The following ENOX1 variants were observed in gnomAD, a reference collection of about 807,000 sequenced individuals.
ENOX1 encodes the protein ecto-NOX disulfide-thiol exchanger 1.
In ENOX1, 42 loss-of-function variants were observed where a neutral mutation model predicts 82.5. That is an observed-to-expected ratio of 0.51 (90% CI 0.40 to 0.66). The LOEUF (loss-of-function observed/expected upper bound fraction) is 0.66, where lower values mean the gene tolerates loss of function less well. Among genes scored for constraint, ENOX1 ranks in the 30% least tolerant of loss-of-function variants. ENOX1 has a pLI of 0.00. For missense variants in ENOX1, 608 were observed against 811.6 expected (o/e 0.75, Z 3.05); for synonymous variants, 271 against 282.2 (o/e 0.96, Z 0.40).
chr13:43,275,733 G>A (rs896624270), intron 12 of ENOX1, among the ~76,000 whole-genome samples: 10 of 152,142 alleles, frequency 6.6e-5, no homozygotes, highest in African/African-American at 2.4e-4. Flanking sequence ...TGTGTGCATG[G>A]TACTGGGCTG....
chr13:43,333,881 G>C (rs4942213), intron 9 of ENOX1, among the ~76,000 whole-genome samples: 30,667 of 152,186 alleles, frequency 0.2, 4,056 homozygotes, highest in East Asian at 0.58. Context: ...CCTCGGCCTC[G>C]CAAAGTGCTG....
At chr13:43,682,791 T>C (rs1436159175) in intron 1 of ENOX1, among the ~76,000 whole-genome samples, 1 of 152,082 alleles carries the variant, frequency 6.6e-6, no homozygotes, top group Non-Finnish European at 1.5e-5. Context: ...GCCACAAATA[T>C]AACAGGAGTT....
chr13:43,663,102 G>A (rs901778049), intron 2 of ENOX1, among the ~76,000 whole-genome samples: 1 of 152,180 alleles, frequency 6.6e-6, no homozygotes, highest in Non-Finnish European at 1.5e-5. Flanking sequence ...AAGAGAGCTT[G>A]ACTTCCCTTT....
At chr13:43,682,953 G>A (rs906355394) in intron 1 of ENOX1, among the ~76,000 whole-genome samples, 1 of 152,158 alleles carries the variant, frequency 6.6e-6, no homozygotes, top group Non-Finnish European at 1.5e-5. Flanking sequence ...TGGTTGCCAT[G>A]CTTATAAAAT....
chr13:43,726,544 A>G (rs948362451), intron 1 of ENOX1, among the ~76,000 whole-genome samples: 1 of 152,072 alleles, frequency 6.6e-6, no homozygotes, highest in Admixed American at 6.6e-5. Flanking sequence ...TCATTCATTG[A>G]CCACTCTATC....
At chr13:43,630,874 C>CACACACACACACAT (rs768788507) in intron 2 of ENOX1, among the ~76,000 whole-genome samples, 1 of 144,558 alleles carries the variant, frequency 6.9e-6, no homozygotes, top group African/African-American at 2.5e-5. Flanking sequence ...CACACACACA[C>CACACACACACACAT]ATATATATAC....
At chr13:43,583,091 C>T (rs2080825332) in intron 2 of ENOX1, among the ~76,000 whole-genome samples, 1 of 152,018 alleles carries the variant, frequency 6.6e-6, no homozygotes, top group African/African-American at 2.4e-5. Flanking sequence ...AATTCCAATG[C>T]CATTTAAACT....
intron 5 of ENOX1, among the ~76,000 whole-genome samples, chr13:43,393,819 C>T (rs1396997754): frequency 1.3e-5 from 2 of 152,118 alleles, no homozygotes; most frequent in Non-Finnish European, 2.9e-5. Flanking sequence ...AATCTCATGT[C>T]GAAATATGAT....
At chr13:43,609,753 T>C (rs1405857264) in intron 2 of ENOX1, 1 of 183,754 alleles carries the variant, frequency 5.4e-6, no homozygotes. Flanking sequence ...TGCACACATA[T>C]TATTATTCCA....
intron 14 of ENOX1, among the ~76,000 whole-genome samples, chr13:43,249,138 A>G (rs1057475209): frequency 6.8e-6 from 1 of 146,442 alleles, no homozygotes; most frequent in Admixed American, 7.0e-5. Flanking sequence ...TGTGACAGCC[A>G]TGTTAAACAA....
At chr13:43,665,874 A>C (rs972047807) in intron 2 of ENOX1, among the ~76,000 whole-genome samples, 1 of 150,158 alleles carries the variant, frequency 6.7e-6, no homozygotes, top group Non-Finnish European at 1.5e-5. Context: ...TGGCCTTTAT[A>C]GTCCTTGCCA....
chr13:43,466,161 A>ATT (rs59775967), intron 3 of ENOX1, among the ~76,000 whole-genome samples: 10 of 151,504 alleles, frequency 6.6e-5, no homozygotes, highest in Non-Finnish European at 1.5e-4. Context: ...TATATTGTCT[A>ATT]TTTTTTTGAT....
At chr13:43,527,689 T>A (rs2078045311) in intron 2 of ENOX1, among the ~76,000 whole-genome samples, 1 of 152,106 alleles carries the variant, frequency 6.6e-6, no homozygotes, top group Admixed American at 6.6e-5. Flanking sequence ...AAAAATCTGA[T>A]ATAATGTGTG....
intron 2 of ENOX1, among the ~76,000 whole-genome samples, chr13:43,599,610 A>G (rs1052761846): frequency 1.3e-5 from 2 of 151,932 alleles, no homozygotes; most frequent in Non-Finnish European, 2.9e-5. Flanking sequence ...AAAGGACTAC[A>G]ATTCCTGGGC....
At chr13:43,244,086 G>A (rs2042968156) in intron 14 of ENOX1, among the ~76,000 whole-genome samples, 1 of 150,822 alleles carries the variant, frequency 6.6e-6, no homozygotes, top group Admixed American at 6.6e-5. Context: ...AGCAAGTGAG[G>A]CAGAATGGCC....
chr13:43,628,769 G>C (rs578245069), intron 2 of ENOX1, among the ~76,000 whole-genome samples: 1 of 152,272 alleles, frequency 6.6e-6, no homozygotes, highest in East Asian at 1.9e-4. Context: ...GCTCCCATAG[G>C]GGAAGGAAGA....
In ENOX1 at chr13:43,559,804, G is replaced by A. The variant is rs74065544; in HGVS notation, c.-218-75652C>T. 8.5e-3 allele frequency among the ~76,000 whole-genome samples: 1,287 copies of A among 152,206 alleles called. 20 individuals carry two copies. Among genetic ancestry groups the A allele is most frequent in the African/African-American group, 0.03 (1,227 of 41,552 alleles). On this transcript the variant is annotated intron_variant, in intron 2 of 16. Transcript: ENST00000690772. Reference sequence around the variant, plus strand: ...ATAACATGCTAAGAGCATGGACCTCGAGGAAAAAATATCTATTTTGGTGGG... The same window carrying A: ...ATAACATGCTAAGAGCATGGACCTCAAGGAAAAAATATCTATTTTGGTGGG...
At chr13:43,673,267 T>A (rs540837803) in intron 1 of ENOX1, among the ~76,000 whole-genome samples, 1 of 151,890 alleles carries the variant, frequency 6.6e-6, no homozygotes, top group African/African-American at 2.4e-5. Flanking sequence ...CAAAACAAGA[T>A]CTATAAAATT....
At chr13:43,753,340 C>T (rs1014329701) in intron 1 of ENOX1, among the ~76,000 whole-genome samples, 2 of 152,132 alleles carry the variant, frequency 1.3e-5, no homozygotes, top group African/African-American at 4.8e-5. Context: ...TTTAAAATTT[C>T]TCTCAACAAG....
Sources: allele counts gnomAD v4.1 joint callset (sites outside exome capture counted in the v4.1 genomes callset), GRCh38; gene constraint gnomAD v4.1.1; transcripts MANE v1.5; gene names NCBI Gene and HGNC (gene_info 2026-07-23, HGNC 2026-07-21).